TMEM117: variants seen among roughly 807,000 people sequenced by gnomAD.
TMEM117 encodes the protein transmembrane protein 117.
TMEM117 carries 27 observed loss-of-function variants against 52.4 expected under a neutral mutation model. The ratio of observed to expected loss-of-function variants is 0.51; its 90% confidence interval spans 0.38 to 0.71. TMEM117 has a LOEUF of 0.71. Ranked by LOEUF, TMEM117 falls within the 30% of genes least tolerant of loss-of-function variation. TMEM117 has a pLI of 0.00. For synonymous variants in TMEM117, 215 were observed against 206.3 expected (o/e 1.04, Z -0.36); for missense variants, 556 against 630.5 (o/e 0.88, Z 1.26).
intron 4 of TMEM117, among the ~76,000 whole-genome samples, chr12:44,201,699 T>C (rs898197815): frequency 6.6e-6 from 1 of 152,142 alleles, no homozygotes; most frequent in African/African-American, 2.4e-5. Flanking sequence ...AAGGAAAAAA[T>C]GTGACCCAAT....
chr12:44,291,870 G>C (rs1324647923), intron 5 of TMEM117, among the ~76,000 whole-genome samples: 1 of 151,848 alleles, frequency 6.6e-6, no homozygotes, highest in African/African-American at 2.4e-5. Flanking sequence ...CTTTTAAAGT[G>C]TTATTAATTT....
At chr12:44,197,383 C>A (rs994374781) in intron 4 of TMEM117, among the ~76,000 whole-genome samples, 2 of 152,056 alleles carry the variant, frequency 1.3e-5, no homozygotes, top group African/African-American at 4.8e-5. Context: ...TCCATGTTAA[C>A]AAAGCAGAGA....
At chr12:44,057,306 A>T (rs997817370) in intron 3 of TMEM117, among the ~76,000 whole-genome samples, 1 of 152,176 alleles carries the variant, frequency 6.6e-6, no homozygotes, top group Non-Finnish European at 1.5e-5. Flanking sequence ...GGGTTACATG[A>T]TTAAGATAGC....
intron 4 of TMEM117, among the ~76,000 whole-genome samples, chr12:44,164,956 A>T (rs1948945581): frequency 6.6e-6 from 1 of 152,126 alleles, no homozygotes; most frequent in African/African-American, 2.4e-5. Flanking sequence ...GCTATTTTGA[A>T]ATATACAATA....
intron 2 of TMEM117, among the ~76,000 whole-genome samples, chr12:43,851,799 C>T (rs762414399): frequency 1.3e-5 from 2 of 152,168 alleles, no homozygotes; most frequent in Non-Finnish European, 2.9e-5. Context: ...ACATCACTGT[C>T]GTTATCAGCA....
At position 44,197,033 on chromosome 12, in the gene TMEM117, G is replaced by A. The variant is rs117619646; in HGVS notation, c.511-14257G>A. On this transcript the variant is annotated intron_variant, in intron 4 of 7. Coordinates refer to ENST00000266534, the MANE Select transcript of TMEM117 (RefSeq NM_032256.3). ...GCTGGCTGAACCATTTTGATAAGTG[G>A]TATTATGCAAACAAAATGGCAGGCT... 1.9e-3 allele frequency among the ~76,000 whole-genome samples: 290 copies of A among 152,276 alleles called. 6 individuals are homozygous for A. The East Asian group carries it at 0.035, about 18-fold the overall frequency.
intron 3 of TMEM117, among the ~76,000 whole-genome samples, chr12:44,135,556 T>C (rs909017442): frequency 6.6e-6 from 1 of 152,000 alleles, no homozygotes; most frequent in African/African-American, 2.4e-5. Context: ...GAGTAAATCA[T>C]TGGGAAATAG....
chr12:44,308,858 A>C (rs1829477433), intron 6 of TMEM117, among the ~76,000 whole-genome samples: 1 of 152,100 alleles, frequency 6.6e-6, no homozygotes, highest in Non-Finnish European at 1.5e-5. Flanking sequence ...TGACGTCGTG[A>C]TCCGCCCACC....
At chr12:43,835,497 T>A (rs746689833), upstream of TMEM117, among the ~76,000 whole-genome samples, 1 of 152,100 alleles carries the variant, frequency 6.6e-6, no homozygotes, top group African/African-American at 2.4e-5. Flanking sequence ...TGTGTGTGTG[T>A]GATACCAGGC....
At chr12:44,101,655 A>G (rs1049268175) in intron 3 of TMEM117, among the ~76,000 whole-genome samples, 1 of 151,932 alleles carries the variant, frequency 6.6e-6, no homozygotes, top group Non-Finnish European at 1.5e-5. Flanking sequence ...CCATTGCGCA[A>G]TGGATCAAAT....
chr12:44,121,536 C>A (rs1565836919), intron 3 of TMEM117, among the ~76,000 whole-genome samples: 1 of 152,028 alleles, frequency 6.6e-6, no homozygotes, highest in Non-Finnish European at 1.5e-5. Flanking sequence ...TTCTTAATAA[C>A]ATTTTCTTTT....
At chr12:44,259,479 T>C (rs1460699828) in intron 5 of TMEM117, among the ~76,000 whole-genome samples, 3 of 152,174 alleles carry the variant, frequency 2.0e-5, no homozygotes, top group Non-Finnish European at 4.4e-5. Context: ...TTTAAGACTT[T>C]CCAGGAAATT....
intron 4 of TMEM117, among the ~76,000 whole-genome samples, chr12:44,206,057 A>G (rs73100835): frequency 0.073 from 11,144 of 152,246 alleles, 579 homozygotes; most frequent in Middle Eastern, 0.16. Context: ...TTTGACCCAC[A>G]TATTTATTGA....
chr12:44,116,500 T>G (rs1948146113), intron 3 of TMEM117, among the ~76,000 whole-genome samples: 1 of 152,252 alleles, frequency 6.6e-6, no homozygotes, highest in Non-Finnish European at 1.5e-5. Flanking sequence ...TTTCACCTAC[T>G]TTTAAAACTA....
intron 3 of TMEM117, among the ~76,000 whole-genome samples, chr12:44,050,800 T>G (rs1378178280): frequency 6.6e-6 from 1 of 152,196 alleles, no homozygotes; most frequent in Non-Finnish European, 1.5e-5. Flanking sequence ...ACAAAGAATG[T>G]CTTATATTCC....
At chr12:43,966,087 C>CT (rs1390959987) in intron 3 of TMEM117, among the ~76,000 whole-genome samples, 2 of 152,148 alleles carry the variant, frequency 1.3e-5, no homozygotes, top group Non-Finnish European at 2.9e-5. Flanking sequence ...TGATCTCATT[C>CT]TTTTTTATGG....
intron 3 of TMEM117, among the ~76,000 whole-genome samples, chr12:44,089,661 A>T (rs1384126480): frequency 6.6e-6 from 1 of 152,148 alleles, no homozygotes; most frequent in Non-Finnish European, 1.5e-5. Context: ...ATTCTCCTGT[A>T]ACACCTTTCC....
At chr12:44,177,448 A>T (rs1407687657) in intron 4 of TMEM117, among the ~76,000 whole-genome samples, 1 of 152,094 alleles carries the variant, frequency 6.6e-6, no homozygotes. Context: ...TATAATTGGG[A>T]TATTTATTTA....
At chr12:43,992,167 T>C (rs554655523) in intron 3 of TMEM117, among the ~76,000 whole-genome samples, 97 of 151,980 alleles carry the variant, frequency 6.4e-4, no homozygotes, top group African/African-American at 2.3e-3. Context: ...AGTAAGATCC[T>C]GTCTCCAAAA....
Sources: gnomAD v4.1 joint callset for allele counts (sites outside exome capture counted in the v4.1 genomes callset) on GRCh38, gnomAD v4.1.1 for gene constraint, MANE v1.5 for transcripts, NCBI Gene and HGNC (gene_info 2026-07-23, HGNC 2026-07-21) for gene names.